The following TTC28 variants were observed in gnomAD, a reference collection of about 807,000 sequenced individuals.
TTC28 encodes the protein tetratricopeptide repeat domain 28, also known as tetratricopeptide repeat protein 28.
In TTC28, 61 loss-of-function variants were observed where a neutral mutation model predicts 198.0. The observed-to-expected ratio is 0.31, with a 90% CI of 0.25 to 0.38. TTC28 has a LOEUF of 0.38. Ranked by LOEUF, TTC28 falls within the 10% of genes least tolerant of loss-of-function variation. TTC28 has a pLI of 1.00. For missense variants in TTC28, 2,678 were observed against 3,164.0 expected, an observed-to-expected ratio of 0.85 and a Z score of 3.69; for synonymous variants, 1,171 against 1,297.8, an observed-to-expected ratio of 0.90 and a Z score of 2.10.
intron 2 of TTC28, among the ~76,000 whole-genome samples, chr22:28,313,420 T>C (rs954492289): frequency 6.6e-6 from 1 of 152,104 alleles, no homozygotes; most frequent in Non-Finnish European, 1.5e-5. Flanking sequence ...AAAAGAGAAT[T>C]TCAGACCAAT....
intron 5 of TTC28, among the ~76,000 whole-genome samples, chr22:28,203,253 T>C (rs1030636645): frequency 3.3e-5 from 5 of 152,100 alleles, no homozygotes; most frequent in Non-Finnish European, 7.4e-5. Flanking sequence ...TGTTTCTTGA[T>C]TTGTAAAATA....
At chr22:28,277,275 G>T (rs2044490085) in intron 5 of TTC28, among the ~76,000 whole-genome samples, 1 of 152,172 alleles carries the variant, frequency 6.6e-6, no homozygotes, top group African/African-American at 2.4e-5. Flanking sequence ...TAGAAAAGGA[G>T]AACTTTGGGA....
At chr22:28,301,632 GT>G (rs1284088049) in intron 3 of TTC28, among the ~76,000 whole-genome samples, 1 of 152,156 alleles carries the variant, frequency 6.6e-6, no homozygotes, top group East Asian at 1.9e-4. Flanking sequence ...GAAATCAACA[GT>G]GCTATGAAAT....
chr22:28,339,309 G>A (rs1020622917), intron 2 of TTC28, among the ~76,000 whole-genome samples: 3 of 152,150 alleles, frequency 2.0e-5, no homozygotes, highest in African/African-American at 7.2e-5. Flanking sequence ...CTACTGGGGG[G>A]TGCCTCCCAG....
At chr22:28,246,463 A>G (rs6005749) in intron 5 of TTC28, among the ~76,000 whole-genome samples, 488 of 152,304 alleles carry the variant, frequency 3.2e-3, no homozygotes, top group African/African-American at 0.01. Context: ...TGAGAAGCTA[A>G]TCTTAATACT....
chr22:27,983,801 C>T lies in TTC28; in HGVS notation c.5866G>A (p.Glu1956Lys), dbSNP rs1022084111. 1 of 1,551,590 alleles carries T rather than the reference C, an allele frequency of 6.4e-7. No individual in the cohort carries two copies. The highest frequency in any genetic ancestry group is 8.7e-7 in the Non-Finnish European group (1 of 1,146,972). Reference sequence around the variant, plus strand: ...ACAGACTGAGCAGAAGCAAGAGACTCGAGGGAGGAGGAGCTGTCAAGGCTG... The same window carrying T: ...ACAGACTGAGCAGAAGCAAGAGACTTGAGGGAGGAGGAGCTGTCAAGGCTG... ...RLSLDSSSSL[E>K]SLASAQSVSN... Residue 1956 changes from glutamate (E) to lysine (K), a missense_variant, in exon 23 of 23, where the codon GAG (glutamate) becomes AAG (lysine). Glu to Lys is a moderately conservative substitution (Grantham distance 56, BLOSUM62 1). This residue lies in a region of TTC28 where 314 missense variants were observed against 442.7 expected (regional missense o/e 0.71). Coordinates refer to ENST00000397906, the MANE Select transcript of TTC28 (RefSeq NM_001145418.2).
intron 5 of TTC28, among the ~76,000 whole-genome samples, chr22:28,174,922 T>C (rs903570141): frequency 2.6e-5 from 4 of 152,146 alleles, no homozygotes; most frequent in Admixed American, 2.0e-4. Flanking sequence ...TCATTCATTC[T>C]TGCATTCAAG....
intron 2 of TTC28, among the ~76,000 whole-genome samples, chr22:28,574,224 C>T (rs1333128671): frequency 6.6e-6 from 1 of 152,134 alleles, no homozygotes; most frequent in Non-Finnish European, 1.5e-5. Context: ...GTTGCCCAGG[C>T]TGATCTCAAT....
chr22:28,209,897 G>A (rs577579274), intron 5 of TTC28, among the ~76,000 whole-genome samples: 99 of 152,296 alleles, frequency 6.5e-4, no homozygotes, highest in Non-Finnish European at 7.9e-4. Context: ...AGTAGGGGCC[G>A]ACTGACACCT....
intron 5 of TTC28, among the ~76,000 whole-genome samples, chr22:28,290,751 A>T (rs1040479383): frequency 6.6e-6 from 1 of 151,948 alleles, no homozygotes; most frequent in Admixed American, 6.6e-5. Context: ...CTCTACAAAA[A>T]TTTTTTTCAA....
At chr22:28,337,271 A>G (rs996761274) in intron 2 of TTC28, among the ~76,000 whole-genome samples, 2 of 152,156 alleles carry the variant, frequency 1.3e-5, no homozygotes, top group African/African-American at 2.4e-5. Context: ...TATGTGGTCA[A>G]TTTTGGAATA....
intron 2 of TTC28, among the ~76,000 whole-genome samples, chr22:28,579,739 G>A (rs1418993919): frequency 6.6e-6 from 1 of 151,772 alleles, no homozygotes; most frequent in Non-Finnish European, 1.5e-5. Flanking sequence ...AGGCCAAGGG[G>A]GAGCAGATCA....
chr22:28,569,447 G>A (rs895549376), intron 2 of TTC28, among the ~76,000 whole-genome samples: 1 of 152,018 alleles, frequency 6.6e-6, no homozygotes, highest in African/African-American at 2.4e-5. Context: ...ACAATAACAA[G>A]TAATGGGAAA....
intron 17 of TTC28, 118 bp downstream of exon 17, chr22:27,996,017 G>GC: frequency 7.1e-7 from 1 of 1,414,426 alleles, no homozygotes; most frequent in East Asian, 2.5e-5. Context: ...CCTGGACACG[G>GC]CCCCAATCAC....
intron 2 of TTC28, among the ~76,000 whole-genome samples, chr22:28,597,507 T>G (rs1265371333): frequency 6.6e-6 from 1 of 152,182 alleles, no homozygotes; most frequent in Non-Finnish European, 1.5e-5. Context: ...CACAATTTCC[T>G]AAACCAAAAT....
intron 2 of TTC28, among the ~76,000 whole-genome samples, chr22:28,347,079 A>G (rs575822248): frequency 6.6e-6 from 1 of 152,130 alleles, no homozygotes; most frequent in East Asian, 1.9e-4. Context: ...CCTGGCCAAC[A>G]TGGTGAAATC....
chr22:28,567,455 A>G (rs1192837757), intron 2 of TTC28, among the ~76,000 whole-genome samples: 1 of 116,272 alleles, frequency 8.6e-6, no homozygotes, highest in African/African-American at 3.1e-5. Flanking sequence ...ATACACACAC[A>G]CACCACACGC....
intron 2 of TTC28, among the ~76,000 whole-genome samples, chr22:28,397,683 G>T (rs1037627184): frequency 6.6e-6 from 1 of 152,146 alleles, no homozygotes; most frequent in African/African-American, 2.4e-5. Context: ...CAAAATTCTA[G>T]TATTAGAAAA....
At chr22:28,370,463 A>T (rs2046315454) in intron 2 of TTC28, among the ~76,000 whole-genome samples, 1 of 152,198 alleles carries the variant, frequency 6.6e-6, no homozygotes. Flanking sequence ...AAAGTGACAT[A>T]ATACCCATTT....
Sources: gnomAD v4.1 joint callset for allele counts (sites outside exome capture counted in the v4.1 genomes callset) on GRCh38, gnomAD v4.1.1 for gene constraint, gnomAD v4.1.1 regional missense constraint, MANE v1.5 for transcripts, NCBI Gene and HGNC (gene_info 2026-07-23, HGNC 2026-07-21) for gene names.